Variants in DEFB124 observed in about 807,000 individuals in gnomAD.
DEFB124 encodes the protein beta-defensin 124.
For missense variants in DEFB124, 78 were observed against 83.1 expected, an observed-to-expected ratio of 0.94 and a Z score of 0.24; for synonymous variants, 38 against 36.5, an observed-to-expected ratio of 1.04 and a Z score of -0.15.
chr20:31,471,115 G>A (rs1980276221), intron 2 of DEFB124, among the ~76,000 whole-genome samples: 1 of 130,026 alleles, frequency 7.7e-6, no homozygotes, highest in South Asian at 2.5e-4. Context: ...TCCTGGACAG[G>A]GCGGCTGGCC....
Position 31,465,474 on chromosome 20 carries a change from C to A in DEFB124, c.*32G>T. 2 of 1,611,522 alleles carry A rather than the reference C, an allele frequency of 1.2e-6. No homozygotes were observed. Among genetic ancestry groups the A allele is most frequent in the South Asian group, 1.1e-5 (1 of 90,812 alleles). On this transcript the variant is annotated 3_prime_UTR_variant, in exon 3 of 3. Coordinates refer to ENST00000317676, the MANE Select transcript of DEFB124 (RefSeq NM_001037500.2). ...GCAGGCAGAAAGAAGAGACAACTGG[C>A]AACCTGTGTTTTATTGGACAGCAGG...
Position 31,472,961 on chromosome 20 carries a change from G to T in DEFB124, c.53C>A (p.Pro18Gln). The T allele has an allele frequency of 1.9e-6, 3 of 1,613,708 alleles. No homozygotes were observed. Among genetic ancestry groups the T allele is most frequent in the Non-Finnish European group, 2.5e-6 (3 of 1,179,990 alleles). The stretch of plus-strand genomic sequence containing the variant: ...CATGCACACGATGTTGTTACCTGAT[G>T]GCACATGACCCAGAACCAGGAGAGC... ...LVALLVLGHV[P>Q]SGRSEFKRCW... is the part of the protein sequence containing the mutation. The change falls in exon 2 of 3, where the codon CCA becomes CAA. Residue 18 changes from proline to glutamine, a missense_variant. By Grantham distance (76) the Pro-to-Gln change is moderately conservative. Transcript: ENST00000317676.
At chr20:31,471,285 G>A (rs1424070283) in intron 2 of DEFB124, among the ~76,000 whole-genome samples, 7 of 113,990 alleles carry the variant, frequency 6.1e-5, no homozygotes, top group East Asian at 3.0e-4. Flanking sequence ...CTCACCTCCC[G>A]GACGGGGCGG....
chr20:31,472,727 A>G, intron 2 of DEFB124: 1 of 465,852 alleles, frequency 2.1e-6, no homozygotes. Flanking sequence ...CACAACCATC[A>G]TAACATAAAT....
chr20:31,465,814 T>C (rs1568755964), intron 2 of DEFB124, 151 bp from the exon 3 acceptor site: 1 of 954,870 alleles, frequency 1.0e-6, no homozygotes, highest in Non-Finnish European at 1.6e-6. Context: ...AGAGTACTGA[T>C]TACAAGTTAG....
intron 2 of DEFB124, among the ~76,000 whole-genome samples, chr20:31,468,016 G>A (rs1673792000): frequency 1.3e-5 from 2 of 152,154 alleles, no homozygotes; most frequent in African/African-American, 4.8e-5. Context: ...GCCTCCCAAA[G>A]TGCTAGGATT....
At chr20:31,469,642 TG>T (rs1980175618) in intron 2 of DEFB124, among the ~76,000 whole-genome samples, 3 of 148,768 alleles carry the variant, frequency 2.0e-5, no homozygotes, top group Admixed American at 2.0e-4. Flanking sequence ...TAGGGAGTGG[TG>T]ATGATTCTTA....
intron 2 of DEFB124, among the ~76,000 whole-genome samples, chr20:31,470,879 G>T (rs1980256099): frequency 2.8e-5 from 4 of 141,402 alleles, no homozygotes; most frequent in African/African-American, 5.3e-5. Flanking sequence ...CCGGGCGGGG[G>T]GCTGAGCCCC....
chr20:31,471,415 C>A (rs1600569144), intron 2 of DEFB124, among the ~76,000 whole-genome samples: 1 of 121,864 alleles, frequency 8.2e-6, no homozygotes, highest in Non-Finnish European at 1.7e-5. Flanking sequence ...GGGGGCTGAC[C>A]CCCCCACCTC....
intron 2 of DEFB124, among the ~76,000 whole-genome samples, chr20:31,469,751 G>GCA (rs1233116881): frequency 1.4e-4 from 21 of 149,722 alleles, no homozygotes; most frequent in Middle Eastern, 3.5e-3. Context: ...GTTTCAGAGA[G>GCA]CACAGGGTTG....
chr20:31,473,992 G>C (rs1211497909), intron 1 of DEFB124, among the ~76,000 whole-genome samples: 9 of 152,202 alleles, frequency 5.9e-5, no homozygotes, highest in Admixed American at 5.2e-4. Context: ...ATCCCGGGCA[G>C]AAAGAATAGA....
intron 2 of DEFB124, among the ~76,000 whole-genome samples, chr20:31,466,405 G>A (rs1186632513): frequency 6.6e-6 from 1 of 151,794 alleles, no homozygotes; most frequent in East Asian, 1.9e-4. Flanking sequence ...TTCGAGACCA[G>A]CCTGGCCAAC....
At chr20:31,469,459 A>AT (rs1391725249) in intron 2 of DEFB124, among the ~76,000 whole-genome samples, 4 of 150,596 alleles carry the variant, frequency 2.7e-5, no homozygotes, top group Admixed American at 2.6e-4. Context: ...TTTAATTTTT[A>AT]TTTTTTTTAT....
At chr20:31,473,422 T>C (rs1671338895) in intron 1 of DEFB124, among the ~76,000 whole-genome samples, 1 of 152,126 alleles carries the variant, frequency 6.6e-6, no homozygotes, top group African/African-American at 2.4e-5. Context: ...CAGGCTGTTG[T>C]CTATGAAATG....
intron 2 of DEFB124, among the ~76,000 whole-genome samples, chr20:31,467,914 A>T (rs1017463189): frequency 2.0e-5 from 3 of 151,936 alleles, no homozygotes; most frequent in Non-Finnish European, 4.4e-5. Flanking sequence ...CACTATACCC[A>T]ACTAATCTTT....
At chr20:31,471,480 C>T (rs1980304670) in intron 2 of DEFB124, among the ~76,000 whole-genome samples, 1 of 139,740 alleles carries the variant, frequency 7.2e-6, no homozygotes, top group South Asian at 2.3e-4. Flanking sequence ...CACCTCCCTC[C>T]CGGACGGGGG....
At chr20:31,472,062 T>C (rs1464777649) in intron 2 of DEFB124, among the ~76,000 whole-genome samples, 1 of 151,850 alleles carries the variant, frequency 6.6e-6, no homozygotes, top group East Asian at 2.0e-4. Context: ...GGCTGGGAGA[T>C]GGAGGTTGTA....
intron 2 of DEFB124, among the ~76,000 whole-genome samples, chr20:31,468,459 G>T (rs1007274350): frequency 6.6e-5 from 10 of 151,900 alleles, no homozygotes; most frequent in Non-Finnish European, 1.5e-4. Flanking sequence ...GGGTAATAAG[G>T]GCTCTTTTTA....
At chr20:31,470,931 C>A (rs1205408096) in intron 2 of DEFB124, among the ~76,000 whole-genome samples, 1 of 140,462 alleles carries the variant, frequency 7.1e-6, no homozygotes, top group East Asian at 2.2e-4. Flanking sequence ...GGCAGAGGGG[C>A]TCCTCACTTC....
Sources: allele counts gnomAD v4.1 joint callset (sites outside exome capture counted in the v4.1 genomes callset), GRCh38; gene constraint gnomAD v4.1.1; transcripts MANE v1.5; gene names NCBI Gene and HGNC (gene_info 2026-07-23, HGNC 2026-07-21).